The following MRPS6 variants were observed in gnomAD, a reference collection of about 807,000 sequenced individuals.
MRPS6 encodes small ribosomal subunit protein bS6m.
MRPS6 carries 6 observed loss-of-function variants against 13.1 expected under a neutral mutation model. That is an observed-to-expected ratio of 0.46 (90% CI 0.25 to 0.91). The LOEUF is 0.91. MRPS6 is among the 40% of genes least tolerant of loss of function. MRPS6 has a pLI of 0.18. For synonymous variants in MRPS6, 61 were observed against 56.5 expected (o/e 1.08, Z -0.36); for missense variants, 164 against 155.6 (o/e 1.05, Z -0.29).
intron 1 of MRPS6, among the ~76,000 whole-genome samples, chr21:34,112,426 C>CA (rs1556007963): frequency 1.3e-5 from 2 of 151,954 alleles, no homozygotes; most frequent in African/African-American, 4.8e-5. Context: ...TGGATCTTTT[C>CA]AAAAAAACAG....
Position 34,076,141 on chromosome 21 carries a change from C to T in MRPS6, c.45+2396C>T, listed in dbSNP as rs16991164. 3.0e-3 allele frequency among the ~76,000 whole-genome samples: 450 copies of T among 152,238 alleles called. 17 individuals are homozygous for T. The East Asian group carries it at 0.073, about 25-fold the overall frequency. Reference sequence around the variant, plus strand: ...ATGCTGTGTTAGGCAACTTTAACAGCGGATATGGAAGTTAAGAAACTATAG... The same window carrying T: ...ATGCTGTGTTAGGCAACTTTAACAGTGGATATGGAAGTTAAGAAACTATAG... On this transcript the variant is annotated intron_variant, in intron 1 of 2. Coordinates refer to ENST00000399312, the MANE Select transcript of MRPS6 (RefSeq NM_032476.4).
chr21:34,091,489 T>C (rs573489890), intron 1 of MRPS6, among the ~76,000 whole-genome samples: 65 of 152,328 alleles, frequency 4.3e-4, no homozygotes, highest in African/African-American at 1.6e-3. Context: ...TCATGATAAC[T>C]AATTACATTT....
intron 1 of MRPS6, chr21:34,097,030 A>C: frequency 6.2e-7 from 1 of 1,614,128 alleles, no homozygotes; most frequent in Non-Finnish European, 8.5e-7. Flanking sequence ...ACCTGCAGAG[A>C]GGAGGGCAAC....
rs1167760254 is a variant in MRPS6 at position 34,096,649 on chromosome 21, G to A, written c.45+22904G>A. ...GCTGGCTTTGTTCTTGGAGCAGTCC[G>A]TTTGATACTGGCCTTTGCCTACCGT... On this transcript the variant is annotated intron_variant, in intron 1 of 2. Transcript: ENST00000399312. This position sits in a 1 kb window ranked among gnomAD's most constrained non-coding sequence, Gnocchi z 5.9. 3.7e-6 allele frequency: 6 copies of A among 1,614,130 alleles called. No homozygotes were observed. Among genetic ancestry groups the A allele is most frequent in the South Asian group, 1.1e-5 (1 of 91,086 alleles).
intron 1 of MRPS6, among the ~76,000 whole-genome samples, chr21:34,077,266 G>A (rs1989354840): frequency 6.6e-6 from 1 of 152,164 alleles, no homozygotes; most frequent in Admixed American, 6.5e-5. Context: ...GAGGAGCTTA[G>A]GAAAAAAATG....
At chr21:34,112,600 C>T (rs569743478) in intron 1 of MRPS6, among the ~76,000 whole-genome samples, 29 of 152,148 alleles carry the variant, frequency 1.9e-4, no homozygotes, top group African/African-American at 5.5e-4. Context: ...TCCCCACTAT[C>T]CCCTGGCTCA....
chr21:34,097,155 C>A (rs150843183), intron 1 of MRPS6: 22 of 1,613,780 alleles, frequency 1.4e-5, no homozygotes, highest in Non-Finnish European at 1.7e-5. Flanking sequence ...TGATGGAGGT[C>A]GGTACTGGAA....
chr21:34,116,503 C>G (rs1286123174), intron 1 of MRPS6, among the ~76,000 whole-genome samples: 3 of 151,992 alleles, frequency 2.0e-5, no homozygotes, highest in African/African-American at 7.3e-5. Flanking sequence ...GATTTCCATT[C>G]ATTCACTATC....
At position 34,097,363 on chromosome 21, in the gene MRPS6, G is replaced by A. The variant is rs781602182; in HGVS notation, c.45+23618G>A. On this transcript the variant is annotated intron_variant, in intron 1 of 2. Transcript: ENST00000399312. ...GTTTATTTCTCCTTATGAACTTAAG[G>A]ATATGGTGAGACACTAACTTAAGAC... 5 of 1,581,330 alleles carry A rather than the reference G, an allele frequency of 3.2e-6. 1 individual carries two copies. In the Admixed American group the frequency reaches 9.0e-5, roughly 28 times the overall value.
intron 2 of MRPS6, 31 bp downstream of exon 2, chr21:34,125,511 T>G: frequency 6.2e-7 from 1 of 1,610,718 alleles, no homozygotes; most frequent in African/African-American, 1.3e-5. Context: ...TTGAAAGACG[T>G]TTTTGATAGG....
At chr21:34,123,338 T>G (rs1226139200) in intron 1 of MRPS6, 2 of 152,158 alleles carry the variant, frequency 1.3e-5, no homozygotes, top group Non-Finnish European at 2.9e-5. Context: ...TTCTTAAGTT[T>G]CCTCCTGCAC....
At chr21:34,109,249 C>G (rs557488978) in intron 1 of MRPS6, among the ~76,000 whole-genome samples, 1 of 152,060 alleles carries the variant, frequency 6.6e-6, no homozygotes, top group Non-Finnish European at 1.5e-5. Flanking sequence ...TGTTAATCTT[C>G]CATGTTAAAG....
chr21:34,135,359 T>G (rs1980655886), intron 2 of MRPS6: 2 of 166,860 alleles, frequency 1.2e-5, no homozygotes, highest in Admixed American at 6.3e-5. Context: ...TTTTTTTTTT[T>G]TTTTTTTTTT....
chr21:34,104,697 G>C (rs1001701254), intron 1 of MRPS6: 1 of 1,000,264 alleles, frequency 1.0e-6, no homozygotes, highest in East Asian at 1.1e-4. Flanking sequence ...CAGGCCTGGG[G>C]GGATGAGGGG....
chr21:34,082,292 T>A (rs952690682), intron 1 of MRPS6, among the ~76,000 whole-genome samples: 1 of 152,206 alleles, frequency 6.6e-6, no homozygotes, highest in South Asian at 2.1e-4. Flanking sequence ...CTTGAAAGTA[T>A]CTATAGTTTC....
intron 2 of MRPS6, 94 bp downstream of exon 2, chr21:34,125,574 T>TGAGACCCCTGTTGCGCCTG (rs1980275240): frequency 4.6e-6 from 7 of 1,531,610 alleles, no homozygotes; most frequent in Non-Finnish European, 6.1e-6. Flanking sequence ...AATTTCACAT[T>TGAGACCCCTGTTGCGCCTG]GAGACCCCTG....
intron 1 of MRPS6, among the ~76,000 whole-genome samples, chr21:34,076,071 T>A (rs569277007): frequency 1.3e-3 from 195 of 152,330 alleles, no homozygotes; most frequent in Non-Finnish European, 1.7e-3. Flanking sequence ...ATGATGTATT[T>A]TCCTTTCCTC....
At chr21:34,121,262 C>T (rs1193201774) in intron 1 of MRPS6, among the ~76,000 whole-genome samples, 1 of 152,082 alleles carries the variant, frequency 6.6e-6, no homozygotes, top group African/African-American at 2.4e-5. Flanking sequence ...TTTGTTGTGC[C>T]TCCAGCAGAT....
chr21:34,075,753 A>C (rs1306316277), intron 1 of MRPS6, among the ~76,000 whole-genome samples: 1 of 152,226 alleles, frequency 6.6e-6, no homozygotes, highest in Non-Finnish European at 1.5e-5. Flanking sequence ...GTAGCTTGTA[A>C]ATGTGGCACA....
Sources: gnomAD v4.1 joint callset for allele counts (sites outside exome capture counted in the v4.1 genomes callset) on GRCh38, gnomAD v4.1.1 for gene constraint, Gnocchi (gnomAD v3.1) non-coding constraint, MANE v1.5 for transcripts, NCBI Gene and HGNC (gene_info 2026-07-23, HGNC 2026-07-21) for gene names.